GPC5: variants seen among roughly 807,000 people sequenced by gnomAD.
GPC5 encodes the protein glypican-5.
In GPC5, 47 loss-of-function variants were observed where a neutral mutation model predicts 53.9. The ratio of observed to expected loss-of-function variants is 0.87; its 90% confidence interval spans 0.69 to 1.11. The LOEUF is 1.11. Ranked by LOEUF, GPC5 falls within the 50% of genes most tolerant of loss-of-function variation. The probability of loss-of-function intolerance (pLI) is 0.00; values close to 1 mark genes in which losing one functional copy is unlikely to be tolerated. For missense variants in GPC5, 748 were observed against 713.1 expected, an observed-to-expected ratio of 1.05 and a Z score of -0.56; for synonymous variants, 286 against 263.3, an observed-to-expected ratio of 1.09 and a Z score of -0.84.
intron 5 of GPC5, among the ~76,000 whole-genome samples, chr13:91,807,787 G>T (rs1218522402): frequency 6.6e-6 from 1 of 152,150 alleles, no homozygotes; most frequent in African/African-American, 2.4e-5. Context: ...ATCATGTCAA[G>T]CAATATTTTC....
chr13:91,762,586 C>CTT (rs35381702), intron 5 of GPC5, among the ~76,000 whole-genome samples: 1 of 142,644 alleles, frequency 7.0e-6, no homozygotes, highest in African/African-American at 2.6e-5. Flanking sequence ...TTTTCTATTT[C>CTT]TTTTTTTTTT....
At chr13:92,794,805 T>C (rs1304878598) in intron 7 of GPC5, among the ~76,000 whole-genome samples, 2 of 151,962 alleles carry the variant, frequency 1.3e-5, no homozygotes, top group East Asian at 1.9e-4. Flanking sequence ...GAGAATAAAA[T>C]ATCTAGGAAT....
intron 2 of GPC5, among the ~76,000 whole-genome samples, chr13:91,581,109 C>T (rs1410751183): frequency 1.3e-5 from 2 of 152,150 alleles, no homozygotes; most frequent in Non-Finnish European, 2.9e-5. Context: ...CAATTACCTC[C>T]CACCAGGTCC....
intron 7 of GPC5, among the ~76,000 whole-genome samples, chr13:92,450,721 G>A (rs1878026599): frequency 6.6e-6 from 1 of 152,164 alleles, no homozygotes; most frequent in Non-Finnish European, 1.5e-5. Context: ...ATTATACATT[G>A]CATCCCAGCT....
At chr13:92,849,594 GA>G (rs1010739631) in intron 7 of GPC5, among the ~76,000 whole-genome samples, 2 of 152,106 alleles carry the variant, frequency 1.3e-5, no homozygotes, top group African/African-American at 4.8e-5. Flanking sequence ...CCTTTCATAT[GA>G]GTGTTCACAT....
At chr13:92,342,306 T>G (rs1344242494) in intron 7 of GPC5, among the ~76,000 whole-genome samples, 1 of 152,100 alleles carries the variant, frequency 6.6e-6, no homozygotes, top group Non-Finnish European at 1.5e-5. Flanking sequence ...GCCTCCTAAC[T>G]CATTTCCATG....
chr13:91,602,406 T>C (rs1247830861), intron 2 of GPC5, among the ~76,000 whole-genome samples: 5 of 152,258 alleles, frequency 3.3e-5, no homozygotes, highest in Admixed American at 3.3e-4. Context: ...TTTGTAATCA[T>C]GGATGTAATA....
At chr13:92,817,278 A>C (rs1877509196) in intron 7 of GPC5, among the ~76,000 whole-genome samples, 1 of 152,026 alleles carries the variant, frequency 6.6e-6, no homozygotes, top group Non-Finnish European at 1.5e-5. Context: ...AAGTAGTATA[A>C]ATCTACAATT....
chr13:92,781,448 T>A (rs975987670), intron 7 of GPC5, among the ~76,000 whole-genome samples: 1 of 152,152 alleles, frequency 6.6e-6, no homozygotes, highest in South Asian at 2.1e-4. Context: ...TGCACAAATA[T>A]AATAGGCACT....
chr13:92,091,763 G>GAAAA (rs758069084), intron 6 of GPC5, among the ~76,000 whole-genome samples: 1 of 86,018 alleles, frequency 1.2e-5, no homozygotes, highest in Non-Finnish European at 2.4e-5. Flanking sequence ...CCCCCACAGT[G>GAAAA]AAAAAAAAAA....
intron 5 of GPC5, among the ~76,000 whole-genome samples, chr13:91,762,503 G>A (rs73609139): frequency 0.021 from 3,202 of 151,678 alleles, 105 homozygotes; most frequent in African/African-American, 0.072. Flanking sequence ...TTTTATTAAT[G>A]TAACAACTGG....
At chr13:92,041,513 G>A (rs748346124) in intron 6 of GPC5, among the ~76,000 whole-genome samples, 6 of 152,100 alleles carry the variant, frequency 3.9e-5, no homozygotes, top group Non-Finnish European at 5.9e-5. Context: ...CTTTAACCCA[G>A]GGGTGTCTTA....
At chr13:91,783,762 C>G (rs1486770948) in intron 5 of GPC5, among the ~76,000 whole-genome samples, 1 of 152,060 alleles carries the variant, frequency 6.6e-6, no homozygotes, top group Non-Finnish European at 1.5e-5. Flanking sequence ...TCAGAAAATA[C>G]ATAACCAACA....
intron 5 of GPC5, among the ~76,000 whole-genome samples, chr13:91,869,997 T>C (rs1422449014): frequency 6.6e-6 from 1 of 152,144 alleles, no homozygotes; most frequent in Non-Finnish European, 1.5e-5. Flanking sequence ...AACATAAGGC[T>C]TGGGTGGAGA....
At chr13:91,599,157 T>A (rs2033094921) in intron 2 of GPC5, among the ~76,000 whole-genome samples, 1 of 152,138 alleles carries the variant, frequency 6.6e-6, no homozygotes, top group Non-Finnish European at 1.5e-5. Context: ...TTTAAATGCC[T>A]AGTAATTTAA....
intron 5 of GPC5, among the ~76,000 whole-genome samples, chr13:91,902,621 CT>C (rs747623031): frequency 3.2e-4 from 49 of 151,980 alleles, no homozygotes; most frequent in Non-Finnish European, 6.2e-4. Flanking sequence ...AGTCAAGAGA[CT>C]TCTGTAGGGA....
intron 6 of GPC5, among the ~76,000 whole-genome samples, chr13:92,140,927 A>G (rs569065310): frequency 4.6e-5 from 7 of 152,320 alleles, no homozygotes; most frequent in African/African-American, 1.7e-4. Context: ...TTTGTATACA[A>G]GTCAGAGCTC....
At chr13:92,138,146 A>G (rs1438443556) in intron 6 of GPC5, among the ~76,000 whole-genome samples, 1 of 152,188 alleles carries the variant, frequency 6.6e-6, no homozygotes, top group Non-Finnish European at 1.5e-5. Context: ...CTATTCATGT[A>G]TGTGGTAAAA....
At chr13:91,514,698 T>G (rs2139344885) in intron 2 of GPC5, among the ~76,000 whole-genome samples, 1 of 152,282 alleles carries the variant, frequency 6.6e-6, no homozygotes, top group East Asian at 1.9e-4. Context: ...ATGTACAATA[T>G]TATACTTATC....
Sources: gnomAD v4.1 joint callset for allele counts (sites outside exome capture counted in the v4.1 genomes callset) on GRCh38, gnomAD v4.1.1 for gene constraint, MANE v1.5 for transcripts, NCBI Gene and HGNC (gene_info 2026-07-23, HGNC 2026-07-21) for gene names.